The following MSRA variants were observed in gnomAD, a reference collection of about 807,000 sequenced individuals.
The protein encoded by MSRA is methionine sulfoxide reductase A, also known as mitochondrial peptide methionine sulfoxide reductase.
MSRA carries 54 observed loss-of-function variants against 31.3 expected under a neutral mutation model. The observed-to-expected ratio is 1.73, with a 90% CI of 1.39 to 2.17. The LOEUF is 2.17. Ranked by LOEUF, MSRA falls within the 30% of genes most tolerant of loss-of-function variation. The probability of loss-of-function intolerance (pLI) is 0.00; values close to 1 mark genes in which losing one functional copy is unlikely to be tolerated. For synonymous variants in MSRA, 169 were observed against 116.5 expected, an observed-to-expected ratio of 1.45 and a Z score of -2.90; for missense variants, 507 against 300.9, an observed-to-expected ratio of 1.69 and a Z score of -5.07.
chr8:10,355,097 C>G (rs1804429856), intron 5 of MSRA, among the ~76,000 whole-genome samples: 1 of 152,158 alleles, frequency 6.6e-6, no homozygotes, highest in South Asian at 2.1e-4. Flanking sequence ...TGTGGTAGCC[C>G]ATAACTCTTT....
intron 5 of MSRA, among the ~76,000 whole-genome samples, chr8:10,370,485 A>T (rs1180942458): frequency 2.0e-5 from 3 of 152,244 alleles, no homozygotes; most frequent in South Asian, 4.1e-4. Context: ...TATGAAATCT[A>T]CTTGTCCTTT....
At chr8:10,091,091 T>C (rs1403502470) in intron 1 of MSRA, among the ~76,000 whole-genome samples, 1 of 152,234 alleles carries the variant, frequency 6.6e-6, no homozygotes, top group Non-Finnish European at 1.5e-5. Flanking sequence ...TGATTGAGTT[T>C]TATATGTTGG....
At chr8:10,392,934 C>T (rs1262006137) in intron 5 of MSRA, among the ~76,000 whole-genome samples, 3 of 145,352 alleles carry the variant, frequency 2.1e-5, no homozygotes, top group South Asian at 2.2e-4. Flanking sequence ...TAATGGCGGG[C>T]GCCTATAGTC....
At chr8:10,393,096 C>A (rs1316079945) in intron 5 of MSRA, among the ~76,000 whole-genome samples, 1 of 141,996 alleles carries the variant, frequency 7.0e-6, no homozygotes, top group Non-Finnish European at 1.5e-5. Context: ...TCTGTTGTTT[C>A]TGATCTCTGA....
At chr8:10,384,980 T>G (rs10096337) in intron 5 of MSRA, among the ~76,000 whole-genome samples, 21,765 of 151,762 alleles carry the variant, frequency 0.14, 1,728 homozygotes, top group African/African-American at 0.21. Context: ...CCAGCCTGGG[T>G]GACAGAGCAA....
At chr8:10,210,813 A>T (rs1405059586) in intron 2 of MSRA, among the ~76,000 whole-genome samples, 1 of 151,230 alleles carries the variant, frequency 6.6e-6, no homozygotes. Flanking sequence ...AGCTCACTGC[A>T]ACCTCCACTT....
rs117716615 is a variant in MSRA at position 10,114,350 on chromosome 8, C to A, written c.142+59692C>A. Among the ~76,000 whole-genome samples, 1,475 of 152,214 alleles carry A rather than the reference C, an allele frequency of 9.7e-3. 10 individuals carry two copies. The highest frequency in any genetic ancestry group is 0.014 in the Non-Finnish European group (920 of 68,014). ...TGTTTTCAATTATCTGGGGGCCAGACGTAAGAGTGGAATTTTTGGGCCATT... is the reference window on the plus strand; with the variant it reads ...TGTTTTCAATTATCTGGGGGCCAGAAGTAAGAGTGGAATTTTTGGGCCATT... On this transcript the variant is annotated intron_variant, in intron 1 of 5. Transcript: ENST00000317173.
intron 3 of MSRA, among the ~76,000 whole-genome samples, chr8:10,291,193 G>A (rs117993254): frequency 0.031 from 4,739 of 152,258 alleles, 98 homozygotes; most frequent in Middle Eastern, 0.051. Flanking sequence ...GTACTGAGCT[G>A]TGTTTATGGC....
chr8:10,397,883 A>T (rs1003033325), intron 5 of MSRA, among the ~76,000 whole-genome samples: 1 of 152,218 alleles, frequency 6.6e-6, no homozygotes, highest in African/African-American at 2.4e-5. Context: ...GTAAGGAAGT[A>T]AGCCCATTAT....
At chr8:10,335,257 T>C (rs1028634558) in intron 5 of MSRA, among the ~76,000 whole-genome samples, 1 of 147,118 alleles carries the variant, frequency 6.8e-6, no homozygotes, top group African/African-American at 2.5e-5. Context: ...TCTGTTTTTT[T>C]TTTTTTTTTT....
intron 5 of MSRA, among the ~76,000 whole-genome samples, chr8:10,419,012 G>A (rs1808651857): frequency 6.6e-6 from 1 of 151,880 alleles, no homozygotes; most frequent in Non-Finnish European, 1.5e-5. Flanking sequence ...TAAGGCGGGA[G>A]GTGAATACAT....
intron 5 of MSRA, among the ~76,000 whole-genome samples, chr8:10,421,095 C>A (rs963720890): frequency 6.6e-6 from 1 of 152,142 alleles, no homozygotes. Flanking sequence ...GAGAGTCTGA[C>A]TCACATACAG....
At chr8:10,214,704 G>A (rs1275919991) in intron 2 of MSRA, among the ~76,000 whole-genome samples, 2 of 152,194 alleles carry the variant, frequency 1.3e-5, no homozygotes, top group African/African-American at 4.8e-5. Flanking sequence ...ACTGCAGGCT[G>A]CTAACTGGTG....
chr8:10,065,875 C>G (rs895228630), intron 1 of MSRA, among the ~76,000 whole-genome samples: 1 of 151,974 alleles, frequency 6.6e-6, no homozygotes, highest in Non-Finnish European at 1.5e-5. Flanking sequence ...CCCAGTGGCG[C>G]TAAGAGTCAA....
chr8:10,317,889 C>G (rs1191485323), intron 4 of MSRA, among the ~76,000 whole-genome samples: 1 of 152,156 alleles, frequency 6.6e-6, no homozygotes, highest in African/African-American at 2.4e-5. Flanking sequence ...GGAGTCTGAT[C>G]TTTCCACGCA....
At chr8:10,080,749 G>C (rs1163771361) in intron 1 of MSRA, among the ~76,000 whole-genome samples, 1 of 151,232 alleles carries the variant, frequency 6.6e-6, no homozygotes, top group Non-Finnish European at 1.5e-5. Flanking sequence ...ATGTTGCCGA[G>C]GCTAGTCTTG....
chr8:10,399,627 C>G (rs571575821), intron 5 of MSRA, among the ~76,000 whole-genome samples: 1 of 152,358 alleles, frequency 6.6e-6, no homozygotes, highest in East Asian at 1.9e-4. Flanking sequence ...CCAATTCAAC[C>G]TCTTTTCTTT....
At chr8:10,356,887 A>T (rs1248478993) in intron 5 of MSRA, among the ~76,000 whole-genome samples, 5 of 120,722 alleles carry the variant, frequency 4.1e-5, no homozygotes, top group Non-Finnish European at 3.5e-5. Flanking sequence ...AGCCTTGCCC[A>T]TTAAAAAAAA....
At chr8:10,246,472 T>TTATA (rs1797628937) in intron 3 of MSRA, among the ~76,000 whole-genome samples, 1 of 152,166 alleles carries the variant, frequency 6.6e-6, no homozygotes, top group Non-Finnish European at 1.5e-5. Context: ...GTATCTGGAG[T>TTATA]TATAGTCCAC....
Sources: gnomAD v4.1 joint callset for allele counts (sites outside exome capture counted in the v4.1 genomes callset) on GRCh38, gnomAD v4.1.1 for gene constraint, MANE v1.5 for transcripts, NCBI Gene and HGNC (gene_info 2026-07-23, HGNC 2026-07-21) for gene names.